GRID1: variants seen among roughly 807,000 people sequenced by gnomAD.
GRID1 encodes the protein glutamate receptor ionotropic, delta-1.
GRID1 carries 28 observed loss-of-function variants against 98.0 expected under a neutral mutation model. The observed-to-expected ratio is 0.29, with a 90% CI of 0.21 to 0.39. The LOEUF (loss-of-function observed/expected upper bound fraction) is 0.39. Among genes scored for constraint, GRID1 ranks in the 10% least tolerant of loss-of-function variants. The probability of loss-of-function intolerance (pLI) is 1.00; values close to 1 mark genes in which losing one functional copy is unlikely to be tolerated. For synonymous variants in GRID1, 553 were observed against 538.5 expected, an observed-to-expected ratio of 1.03 and a Z score of -0.37; for missense variants, 1,111 against 1,340.5, an observed-to-expected ratio of 0.83 and a Z score of 2.67.
intron 2 of GRID1, among the ~76,000 whole-genome samples, chr10:86,339,976 G>A (rs1474100834): frequency 1.3e-5 from 2 of 152,206 alleles, no homozygotes; most frequent in Non-Finnish European, 2.9e-5. Context: ...CAGGAGGACG[G>A]GAGGGGCGGC....
chr10:85,808,696 C>T (rs1265890917), intron 8 of GRID1, among the ~76,000 whole-genome samples: 1 of 152,060 alleles, frequency 6.6e-6, no homozygotes, highest in East Asian at 1.9e-4. Flanking sequence ...AAAATCATAC[C>T]TCAATAGGAC....
At chr10:85,944,145 T>C (rs1209754299) in intron 4 of GRID1, among the ~76,000 whole-genome samples, 1 of 152,210 alleles carries the variant, frequency 6.6e-6, no homozygotes, top group Non-Finnish European at 1.5e-5. Flanking sequence ...ACCACAGATC[T>C]GTGAAGGAGC....
At chr10:85,926,321 G>T (rs370177570) in intron 4 of GRID1, among the ~76,000 whole-genome samples, 4 of 152,284 alleles carry the variant, frequency 2.6e-5, no homozygotes, top group East Asian at 3.9e-4. Context: ...AGAGACCACG[G>T]GGGGCTCTGA....
intron 8 of GRID1, among the ~76,000 whole-genome samples, chr10:85,805,615 G>A (rs1210969011): frequency 1.3e-5 from 2 of 151,880 alleles, no homozygotes; most frequent in African/African-American, 4.8e-5. Flanking sequence ...AGAAGGTGTG[G>A]TATTAGCTTA....
chr10:85,786,056 T>C (rs763440940), intron 8 of GRID1, among the ~76,000 whole-genome samples: 5 of 152,154 alleles, frequency 3.3e-5, no homozygotes, highest in Admixed American at 6.5e-5. Flanking sequence ...ACACACCATA[T>C]ACATACATAT....
chr10:86,221,331 A>G (rs1242628438), intron 2 of GRID1, among the ~76,000 whole-genome samples: 1 of 152,242 alleles, frequency 6.6e-6, no homozygotes, highest in East Asian at 1.9e-4. Flanking sequence ...GCACATTTCT[A>G]GCCATAATAG....
chr10:85,861,147 T>C (rs1327720098), intron 6 of GRID1, among the ~76,000 whole-genome samples: 1 of 152,186 alleles, frequency 6.6e-6, no homozygotes. Flanking sequence ...TGAGGACTAC[T>C]GTGAAAATGC....
chr10:86,027,705 C>T, intron 4 of GRID1, among the ~76,000 whole-genome samples: 1 of 152,182 alleles, frequency 6.6e-6, no homozygotes, highest in Non-Finnish European at 1.5e-5. Flanking sequence ...CAGGAAAAGC[C>T]ACAGCTGACG....
intron 3 of GRID1, among the ~76,000 whole-genome samples, chr10:86,160,518 G>A (rs1216244632): frequency 6.6e-6 from 1 of 152,216 alleles, no homozygotes; most frequent in Non-Finnish European, 1.5e-5. Context: ...AGGAGGCATG[G>A]TCAACAAAGG....
chr10:86,208,127 G>C (rs1202336542), intron 2 of GRID1, among the ~76,000 whole-genome samples: 1 of 152,176 alleles, frequency 6.6e-6, no homozygotes, highest in Non-Finnish European at 1.5e-5. Context: ...GGAGGCAGGG[G>C]AACATGTGGG....
intron 4 of GRID1, among the ~76,000 whole-genome samples, chr10:86,049,581 G>A (rs532284779): frequency 6.6e-6 from 1 of 152,292 alleles, no homozygotes; most frequent in East Asian, 1.9e-4. Flanking sequence ...CTTCTCACTG[G>A]CACTGAGAAA....
intron 2 of GRID1, among the ~76,000 whole-genome samples, chr10:86,323,637 G>A (rs561322223): frequency 7.5e-4 from 114 of 152,294 alleles, no homozygotes; most frequent in African/African-American, 9.4e-4. Context: ...GCCAGCGGCC[G>A]GGGGAGTGGA....
intron 4 of GRID1, among the ~76,000 whole-genome samples, chr10:85,998,951 G>A (rs1214333597): frequency 1.3e-5 from 2 of 152,164 alleles, no homozygotes; most frequent in African/African-American, 2.4e-5. Context: ...AGTGGCTCAC[G>A]CCTGTAATCC....
At chr10:85,749,018 A>G (rs1842022846) in intron 8 of GRID1, among the ~76,000 whole-genome samples, 1 of 152,156 alleles carries the variant, frequency 6.6e-6, no homozygotes, top group South Asian at 2.1e-4. Context: ...CTATCCAGAA[A>G]CTGCACCATA....
At chr10:85,909,283 G>C (rs971733663) in intron 5 of GRID1, among the ~76,000 whole-genome samples, 14 of 152,076 alleles carry the variant, frequency 9.2e-5, no homozygotes, top group African/African-American at 3.4e-4. Flanking sequence ...CAAAAACCCC[G>C]ACCATACCAA....
chr10:85,623,468 C>G (rs947729260), intron 13 of GRID1, among the ~76,000 whole-genome samples: 3 of 152,200 alleles, frequency 2.0e-5, no homozygotes, highest in African/African-American at 7.2e-5. Context: ...CCACGTGGCC[C>G]CAAATAATGA....
At chr10:86,055,444 C>T (rs1843559268) in intron 4 of GRID1, among the ~76,000 whole-genome samples, 1 of 152,022 alleles carries the variant, frequency 6.6e-6, no homozygotes, top group Non-Finnish European at 1.5e-5. Context: ...GAGGGTGGGG[C>T]CTTCATGATG....
intron 4 of GRID1, among the ~76,000 whole-genome samples, chr10:85,978,295 C>T (rs1167580407): frequency 6.6e-6 from 1 of 152,168 alleles, no homozygotes; most frequent in East Asian, 1.9e-4. Flanking sequence ...CCTAAAGCAG[C>T]CAGATGATAT....
chr10:86,302,760 T>A (rs894744915), intron 2 of GRID1, among the ~76,000 whole-genome samples: 2 of 152,202 alleles, frequency 1.3e-5, no homozygotes, highest in African/African-American at 4.8e-5. Flanking sequence ...CAAGTCAATG[T>A]CATAGGAAAG....
Sources: allele counts gnomAD v4.1 joint callset (sites outside exome capture counted in the v4.1 genomes callset), GRCh38; gene constraint gnomAD v4.1.1; transcripts MANE v1.5; gene names NCBI Gene and HGNC (gene_info 2026-07-23, HGNC 2026-07-21).